The following F13A1 variants were observed in gnomAD, a reference collection of about 807,000 sequenced individuals.
F13A1 encodes the protein FSF, A subunit.
Under a neutral mutation model 80.1 loss-of-function variants are expected in F13A1, and 47 were observed. The observed-to-expected ratio is 0.59, with a 90% CI of 0.46 to 0.75. The LOEUF (loss-of-function observed/expected upper bound fraction) is 0.75, where lower values mean the gene tolerates loss of function less well. Ranked by LOEUF, F13A1 falls within the 30% of genes least tolerant of loss-of-function variation. The pLI is 0.00. For missense variants in F13A1, 817 were observed against 930.4 expected (o/e 0.88, Z 1.59); for synonymous variants, 349 against 344.9 (o/e 1.01, Z -0.13).
chr6:6,238,495 G>T (rs1283239673), intron 6 of F13A1, among the ~76,000 whole-genome samples: 3 of 151,960 alleles, frequency 2.0e-5, no homozygotes, highest in Admixed American at 1.3e-4. Flanking sequence ...TACTGGGGAT[G>T]ACTATTAAAG....
intron 3 of F13A1, among the ~76,000 whole-genome samples, chr6:6,282,993 C>T (rs2113145534): frequency 6.6e-6 from 1 of 152,334 alleles, no homozygotes; most frequent in Admixed American, 6.5e-5. Context: ...AGTCTACTTC[C>T]TGGGCACTCA....
At chr6:6,239,383 T>C (rs950399099) in intron 6 of F13A1, among the ~76,000 whole-genome samples, 1 of 152,142 alleles carries the variant, frequency 6.6e-6, no homozygotes, top group Non-Finnish European at 1.5e-5. Flanking sequence ...TATATTTTGA[T>C]TGGGGTGGTG....
chr6:6,260,326 T>A (rs991860462), intron 4 of F13A1, among the ~76,000 whole-genome samples: 7 of 152,242 alleles, frequency 4.6e-5, no homozygotes, highest in African/African-American at 1.7e-4. Context: ...ATAAGTGCTG[T>A]GCATGCTGCT....
chr6:6,147,608 TC>T (rs1366380496), intron 14 of F13A1, among the ~76,000 whole-genome samples: 1 of 152,182 alleles, frequency 6.6e-6, no homozygotes, highest in African/African-American at 2.4e-5. Context: ...AAGTGATCAA[TC>T]AGAAGCACTT....
intron 3 of F13A1, chr6:6,305,009 A>G (rs539687594): frequency 3.1e-4 from 119 of 387,736 alleles, no homozygotes; most frequent in African/African-American, 2.3e-3. Context: ...TAAGATTTAC[A>G]AACATTTTCA....
intron 8 of F13A1, among the ~76,000 whole-genome samples, chr6:6,221,075 T>C (rs539040199): frequency 1.3e-5 from 2 of 152,336 alleles, no homozygotes; most frequent in South Asian, 4.1e-4. Context: ...AGCTTTATTA[T>C]TTGTGCATGA....
At chr6:6,219,925 C>T (rs980582047) in intron 8 of F13A1, among the ~76,000 whole-genome samples, 18 of 152,290 alleles carry the variant, frequency 1.2e-4, no homozygotes, top group South Asian at 8.3e-4. Flanking sequence ...TAGCAGCTAA[C>T]GTTCATTAGG....
chr6:6,193,433 C>A lies in F13A1; in HGVS notation c.1305+2364G>T, dbSNP rs149396531. 6.3e-3 allele frequency among the ~76,000 whole-genome samples: 955 copies of A among 152,184 alleles called. 13 individuals carry two copies. Among genetic ancestry groups the A allele is most frequent in the African/African-American group, 0.021 (877 of 41,504 alleles). ...CCACAGACTCGAACCTGAGTCATATCGACTCATATGACACTCCCCATGGGG... is the reference window on the plus strand; with the variant it reads ...CCACAGACTCGAACCTGAGTCATATAGACTCATATGACACTCCCCATGGGG... On this transcript the variant is annotated intron_variant, in intron 10 of 14. Transcript: ENST00000264870.
chr6:6,313,495 G>A (rs1261086416), intron 2 of F13A1, among the ~76,000 whole-genome samples: 2 of 151,886 alleles, frequency 1.3e-5, no homozygotes, highest in African/African-American at 4.8e-5. Flanking sequence ...GTAAATTATT[G>A]TCTCCCTAGG....
chr6:6,256,708 T>C (rs951432195), intron 4 of F13A1, among the ~76,000 whole-genome samples: 17 of 152,190 alleles, frequency 1.1e-4, no homozygotes, highest in Admixed American at 2.0e-4. Context: ...TAAGGATTTA[T>C]AACAAACATG....
chr6:6,182,981 G>A (rs1761015448), intron 10 of F13A1, among the ~76,000 whole-genome samples: 1 of 152,114 alleles, frequency 6.6e-6, no homozygotes, highest in Non-Finnish European at 1.5e-5. Flanking sequence ...CAGAAATAGT[G>A]TCTTGGGGCC....
At chr6:6,237,285 G>A (rs1260879608) in intron 6 of F13A1, among the ~76,000 whole-genome samples, 1 of 152,110 alleles carries the variant, frequency 6.6e-6, no homozygotes, top group Non-Finnish European at 1.5e-5. Context: ...CAAGTACTCA[G>A]GTTATTCCAT....
chr6:6,149,257 G>T (rs1760332288), intron 14 of F13A1, among the ~76,000 whole-genome samples: 1 of 152,144 alleles, frequency 6.6e-6, no homozygotes, highest in Non-Finnish European at 1.5e-5. Context: ...TGGGGTGATG[G>T]ATACACTAAA....
intron 4 of F13A1, among the ~76,000 whole-genome samples, chr6:6,255,124 T>C (rs1199809939): frequency 6.6e-6 from 1 of 152,186 alleles, no homozygotes; most frequent in African/African-American, 2.4e-5. Flanking sequence ...CTTAGTGCCC[T>C]ATGGAGGCGG....
At chr6:6,192,569 A>C (rs1052492152) in intron 10 of F13A1, among the ~76,000 whole-genome samples, 5 of 152,214 alleles carry the variant, frequency 3.3e-5, no homozygotes, top group Non-Finnish European at 5.9e-5. Context: ...GCCAAGTAGG[A>C]GATGCCAAAA....
chr6:6,316,123 A>G lies in F13A1; in HGVS notation c.130+2412T>C, dbSNP rs1166821857. On this transcript the variant is annotated intron_variant, in intron 2 of 14. Coordinates refer to ENST00000264870, the MANE Select transcript of F13A1 (RefSeq NM_000129.4). ...TATATATATATATATATATATATATATATATATATATATATATATAGTTTT... is the reference window on the plus strand; with the variant it reads ...TATATATATATATATATATATATATGTATATATATATATATATATAGTTTT... 5.2e-5 allele frequency among the ~76,000 whole-genome samples: 3 copies of G among 57,420 alleles called. 1 individual carries two copies. Among genetic ancestry groups the G allele is most frequent in the Non-Finnish European group, 9.5e-5 (3 of 31,664 alleles). 37.7% of individuals were successfully genotyped at this position (57,420 alleles called of 152,430 possible).
chr6:6,233,779 T>C (rs1281869052), intron 6 of F13A1, among the ~76,000 whole-genome samples: 1 of 151,972 alleles, frequency 6.6e-6, no homozygotes. Flanking sequence ...AACAGGAATG[T>C]GGACATGGTT....
chr6:6,237,251 T>C (rs191703756), intron 6 of F13A1, among the ~76,000 whole-genome samples: 2 of 152,206 alleles, frequency 1.3e-5, no homozygotes, highest in Admixed American at 6.5e-5. Flanking sequence ...GTTGTAAGGA[T>C]AGGAAGGGAG....
chr6:6,251,631 C>T (rs1757634450), intron 4 of F13A1, among the ~76,000 whole-genome samples: 1 of 152,192 alleles, frequency 6.6e-6, no homozygotes, highest in Admixed American at 6.5e-5. Flanking sequence ...TTAACACAGA[C>T]AGGACCCTAC....
Sources: gnomAD v4.1 joint callset for allele counts (sites outside exome capture counted in the v4.1 genomes callset) on GRCh38, gnomAD v4.1.1 for gene constraint, MANE v1.5 for transcripts, NCBI Gene and HGNC (gene_info 2026-07-23, HGNC 2026-07-21) for gene names.